Variants in MYO1H observed in about 807,000 individuals in gnomAD.
MYO1H encodes the protein unconventional myosin-Ih.
MYO1H carries 118 observed loss-of-function variants against 149.3 expected under a neutral mutation model. The ratio of observed to expected loss-of-function variants is 0.79; its 90% CI spans 0.68 to 0.92. The LOEUF (loss-of-function observed/expected upper bound fraction) is 0.92, where lower values mean the gene tolerates loss of function less well. MYO1H is among the 40% of genes least tolerant of loss of function. The pLI, the probability that MYO1H is intolerant of heterozygous loss-of-function variation, is 0.00. For synonymous variants in MYO1H, 447 were observed against 465.2 expected (o/e 0.96, Z 0.50); for missense variants, 1,212 against 1,280.7 (o/e 0.95, Z 0.82).
chr12:109,321,987 G>A, the MYO1H span, among the ~76,000 whole-genome samples: 9,848 of 152,170 alleles, frequency 0.065, 388 homozygotes, highest in Middle Eastern at 0.11. Context: ...ACATCTGAAG[G>A]TGTTCATCAT....
chr12:109,360,621 A>G (rs184019744), intron 1 of MYO1H, among the ~76,000 whole-genome samples: 7 of 152,288 alleles, frequency 4.6e-5, no homozygotes, highest in Admixed American at 2.6e-4. Context: ...TTCCATGGAA[A>G]ATATTTCCTT....
intron 1 of MYO1H, among the ~76,000 whole-genome samples, chr12:109,355,040 G>A (rs1296770375): frequency 6.6e-6 from 1 of 152,214 alleles, no homozygotes; most frequent in Non-Finnish European, 1.5e-5. Context: ...ATAAGGTCTA[G>A]TTGTGGGAAA....
intron 28 of MYO1H, 39 bp downstream of exon 28, chr12:109,443,688 G>T: frequency 1.2e-6 from 2 of 1,608,876 alleles, no homozygotes; most frequent in South Asian, 2.2e-5. Context: ...GCACTGAGTT[G>T]ACTCAACTAC....
chr12:109,398,973 G>A (rs1304003925), intron 5 of MYO1H, among the ~76,000 whole-genome samples: 1 of 152,032 alleles, frequency 6.6e-6, no homozygotes, highest in Non-Finnish European at 1.5e-5. Context: ...AGACACAGAA[G>A]TGGGGCTAAG....
chr12:109,389,621 A>G (rs534593074), intron 2 of MYO1H, among the ~76,000 whole-genome samples: 42 of 152,182 alleles, frequency 2.8e-4, no homozygotes, highest in Non-Finnish European at 5.0e-4. Flanking sequence ...TTTTTATTCA[A>G]AAGCTAGTTT....
At chr12:109,368,996 T>C (rs986317684) in intron 1 of MYO1H, among the ~76,000 whole-genome samples, 2 of 151,378 alleles carry the variant, frequency 1.3e-5, no homozygotes, top group South Asian at 2.1e-4. Flanking sequence ...ATTTCTTTCT[T>C]TTTTTTTTGA....
chr12:109,392,702 T>TGA (rs936879148), intron 2 of MYO1H, among the ~76,000 whole-genome samples: 10 of 151,446 alleles, frequency 6.6e-5, no homozygotes, highest in South Asian at 6.3e-4. Context: ...GGCAGCAAAG[T>TGA]GAGACTCTGT....
At chr12:109,331,774 G>A in the MYO1H span, among the ~76,000 whole-genome samples, 49 of 152,314 alleles carry the variant, frequency 3.2e-4, no homozygotes, top group African/African-American at 1.2e-3. Context: ...GCTTGAAAAT[G>A]TAGCTCCTGC....
chr12:109,445,736 C>G (rs1872452425), intron 31 of MYO1H, 124 bp downstream of exon 31: 3 of 1,382,012 alleles, frequency 2.2e-6, no homozygotes, highest in Non-Finnish European at 2.8e-6. Context: ...TTTCTGCCCT[C>G]TATTCCTAAT....
intron 21 of MYO1H, 29 bp from the exon 22 acceptor site, chr12:109,436,459 T>C: frequency 6.3e-7 from 1 of 1,575,438 alleles, no homozygotes; most frequent in Non-Finnish European, 8.7e-7. Flanking sequence ...TGCAAAGCCA[T>C]TTCACCAAAA....
intron 1 of MYO1H, among the ~76,000 whole-genome samples, chr12:109,362,526 C>G (rs561105050): frequency 6.6e-6 from 1 of 152,088 alleles, no homozygotes; most frequent in African/African-American, 2.4e-5. Flanking sequence ...ATCACAGGAG[C>G]CTTCAGAAAT....
intron 1 of MYO1H, among the ~76,000 whole-genome samples, chr12:109,369,900 G>A (rs776933772): frequency 6.6e-6 from 1 of 152,142 alleles, no homozygotes; most frequent in Non-Finnish European, 1.5e-5. Context: ...AGTTCCACAT[G>A]GCTTGGGAGG....
Position 109,432,925 on chromosome 12 carries a change from C to A in MYO1H, c.1978C>A (p.Pro660Thr), listed in dbSNP as rs569334663. ...CAAGTCCTTATGCCCAGACACCTGG[C>A]CGCACTGGCACGGGCCTCCAGCAGA... Residue 660 changes from proline (P) to threonine (T), a missense_variant, in exon 20 of 32, where the codon CCG becomes ACG. By Grantham distance (38) the Pro-to-Thr change is conservative. Transcript: ENST00000310903. 9 of 1,613,996 alleles carry A rather than the reference C, an allele frequency of 5.6e-6. No homozygotes were observed. In the South Asian group the frequency reaches 9.9e-5, roughly 18 times the overall value.
intron 21 of MYO1H, 88 bp downstream of exon 21, chr12:109,435,201 T>G: frequency 1.2e-6 from 1 of 836,862 alleles, no homozygotes; most frequent in Non-Finnish European, 1.9e-6. Context: ...GGGTGTTTGA[T>G]ATAGTGTTAG....
At chr12:109,393,910 G>A (rs968716682) in intron 3 of MYO1H, among the ~76,000 whole-genome samples, 1 of 147,682 alleles carries the variant, frequency 6.8e-6, no homozygotes, top group African/African-American at 2.7e-5. Flanking sequence ...TCTCCGGGAA[G>A]AGGGTTGCTA....
chr12:109,446,059 AAG>A (rs1872466781), intron 31 of MYO1H: 10 of 985,224 alleles, frequency 1.0e-5, no homozygotes, highest in Non-Finnish European at 1.2e-5. Context: ...AAAAATATGT[AAG>A]AAAGAAATGT....
At chr12:109,333,552 C>A in the MYO1H span, among the ~76,000 whole-genome samples, 2 of 152,072 alleles carry the variant, frequency 1.3e-5, no homozygotes, top group Admixed American at 6.6e-5. Flanking sequence ...AAGAGATGAA[C>A]TGAGACTGCA....
chr12:109,337,359 G>A, the MYO1H span, among the ~76,000 whole-genome samples: 2 of 152,164 alleles, frequency 1.3e-5, no homozygotes, highest in African/African-American at 4.8e-5. Flanking sequence ...AGTGATAAAT[G>A]TGAATCCCAC....
intron 1 of MYO1H, among the ~76,000 whole-genome samples, chr12:109,369,029 C>G (rs910683741): frequency 4.6e-5 from 7 of 152,004 alleles, no homozygotes; most frequent in Admixed American, 1.3e-4. Flanking sequence ...CTGTTGTCAC[C>G]CAGGCTGGAG....
Sources: gnomAD v4.1 joint callset for allele counts (sites outside exome capture counted in the v4.1 genomes callset) on GRCh38, gnomAD v4.1.1 for gene constraint, MANE v1.5 for transcripts, NCBI Gene and HGNC (gene_info 2026-07-23, HGNC 2026-07-21) for gene names.